Variants in ITSN1 observed in about 807,000 individuals in gnomAD.
ITSN1 encodes intersectin-1.
Under a neutral mutation model 239.8 loss-of-function variants are expected in ITSN1, and 58 were observed. That is an observed-to-expected ratio of 0.24 (90% CI 0.20 to 0.30). The LOEUF (loss-of-function observed/expected upper bound fraction) is 0.30. Among genes scored for constraint, ITSN1 ranks in the 10% least tolerant of loss-of-function variants. ITSN1 has a pLI of 1.00. For synonymous variants in ITSN1, 780 were observed against 770.8 expected, an observed-to-expected ratio of 1.01 and a Z score of -0.20; for missense variants, 1,558 against 2,103.3, an observed-to-expected ratio of 0.74 and a Z score of 5.07.
intron 22 of ITSN1, 142 bp downstream of exon 22, chr21:33,814,214 A>T: frequency 1.6e-5 from 8 of 495,036 alleles, no homozygotes; most frequent in East Asian, 5.1e-5. Context: ...AATCCAGTGC[A>T]GGAGCCAGAA....
intron 29 of ITSN1, among the ~76,000 whole-genome samples, chr21:33,838,837 C>T (rs2074725299): frequency 1.3e-5 from 2 of 152,178 alleles, no homozygotes; most frequent in African/African-American, 4.8e-5. Flanking sequence ...AGGGTACAAA[C>T]CATTTGTCCA....
intron 38 of ITSN1, 97 bp from the exon 39 acceptor site, chr21:33,886,190 C>G: frequency 1.9e-6 from 2 of 1,039,250 alleles, no homozygotes; most frequent in South Asian, 3.1e-5. Flanking sequence ...GCAGCCTGGG[C>G]GACAGAGCAA....
Position 33,856,626 on chromosome 21 carries a change from C to T in ITSN1, c.3662-110C>T. On this transcript the variant is annotated intron_variant, in intron 29 of 39. Transcript: ENST00000381318. ...GGACACATTTCAGCCCATGACCCCACTGGACTGGAGCAAGCCCTCAGGACC... is the reference window on the plus strand; with the variant it reads ...GGACACATTTCAGCCCATGACCCCATTGGACTGGAGCAAGCCCTCAGGACC... 4 of 1,511,448 alleles carry T rather than the reference C, an allele frequency of 2.6e-6. No individual in the cohort carries two copies. In the South Asian group the frequency reaches 4.9e-5, roughly 19 times the overall value. The allele number at this position is 1,511,448 out of a possible 1,614,324, so 93.6% of individuals were successfully genotyped here.
At chr21:33,810,440 C>A (rs1490348780) in intron 20 of ITSN1, among the ~76,000 whole-genome samples, 2 of 151,992 alleles carry the variant, frequency 1.3e-5, no homozygotes, top group Non-Finnish European at 2.9e-5. Flanking sequence ...TGCCTAAACA[C>A]AGCAGCAGTC....
chr21:33,647,855 C>T (rs8134847), intron 1 of ITSN1, among the ~76,000 whole-genome samples: 57,674 of 152,052 alleles, frequency 0.38, 11,170 homozygotes, highest in East Asian at 0.57. Flanking sequence ...TTTATTTTTC[C>T]TCCACGGTTA....
intron 7 of ITSN1, 29 bp downstream of exon 7, chr21:33,751,935 T>C: frequency 2.1e-6 from 3 of 1,451,588 alleles, no homozygotes; most frequent in South Asian, 2.3e-5. Context: ...AAATGGGAAG[T>C]TTGGTTAAGG....
intron 31 of ITSN1, among the ~76,000 whole-genome samples, chr21:33,859,888 C>T (rs1437690496): frequency 6.6e-6 from 1 of 152,160 alleles, no homozygotes; most frequent in Non-Finnish European, 1.5e-5. Context: ...CCCCTGCCAC[C>T]CGATGCCGTG....
chr21:33,668,561 G>A (rs139972871), intron 1 of ITSN1, among the ~76,000 whole-genome samples: 1 of 152,336 alleles, frequency 6.6e-6, no homozygotes, highest in African/African-American at 2.4e-5. Context: ...GGGGTAAAGT[G>A]GGATGCAGGG....
intron 1 of ITSN1, among the ~76,000 whole-genome samples, chr21:33,681,944 A>G (rs2090986931): frequency 6.6e-6 from 1 of 151,942 alleles, no homozygotes; most frequent in South Asian, 2.1e-4. Flanking sequence ...CTGGGATTAC[A>G]GGCATGAACC....
chr21:33,844,305 G>A (rs572326598), intron 29 of ITSN1, among the ~76,000 whole-genome samples: 3 of 152,330 alleles, frequency 2.0e-5, no homozygotes, highest in South Asian at 4.1e-4. Flanking sequence ...CACGGTCGAC[G>A]GTGGGGAGGC....
rs1569106347 is a variant in ITSN1 at position 33,755,416 on chromosome 21, TAG to T, written c.724+20_724+21del. ...TTAACAGGTATTTACAAATAAAAAT[TAG>T]TGAAATATGATCTTTGTTTTCAATG... On this transcript the variant is annotated intron_variant, in intron 8 of 39. Coordinates refer to ENST00000381318, the MANE Select transcript of ITSN1 (RefSeq NM_003024.3). The T allele has an allele frequency of 2.3e-6, 3 of 1,303,280 alleles. No individual in the cohort carries two copies. The highest frequency in any genetic ancestry group is 2.2e-6 in the Non-Finnish European group (2 of 912,858). 80.7% of individuals were successfully genotyped at this position (1,303,280 alleles called of 1,614,324 possible).
At chr21:33,758,432 T>G (rs1011419150) in intron 8 of ITSN1, among the ~76,000 whole-genome samples, 3 of 152,202 alleles carry the variant, frequency 2.0e-5, no homozygotes, top group Non-Finnish European at 4.4e-5. Context: ...TGGCACTGTT[T>G]ACCCCACTGA....
rs539451357 is a variant in ITSN1, at chr21:33,757,295, A to G, written c.724+1898A>G. ...GTTTTATGAATGAAATGCAGTATCT[A>G]CATTCCAAATATAATGACCCAGGCA... On this transcript the variant is annotated intron_variant, in intron 8 of 39. Coordinates refer to ENST00000381318, the MANE Select transcript of ITSN1 (RefSeq NM_003024.3). Among the ~76,000 whole-genome samples, 15 of 152,298 alleles carry G rather than the reference A, an allele frequency of 9.8e-5. No individual in the cohort carries two copies. The South Asian group carries it at 2.7e-3, about 27-fold the overall frequency.
Position 33,894,728 on chromosome 21 carries a change from C to G in ITSN1, c.*6428C>G, listed in dbSNP as rs1033162940. 1.3e-5 allele frequency: 2 copies of G among 152,210 alleles called. No homozygotes were observed. The highest frequency in any genetic ancestry group is 1.3e-4 in the Admixed American group (2 of 15,280). The allele number at this position is 152,210 out of a possible 1,614,324, so 9.4% of individuals were successfully genotyped here. ...TGCTTCTCTTCGCTTTTGCATTTCTCTTTTTTAACTCAAATCTCTTATTTC... is the reference window on the plus strand; with the variant it reads ...TGCTTCTCTTCGCTTTTGCATTTCTGTTTTTTAACTCAAATCTCTTATTTC... On this transcript the variant is annotated 3_prime_UTR_variant, in exon 40 of 40. Transcript: ENST00000381318.
chr21:33,857,700 G>T (rs150585674), intron 30 of ITSN1, among the ~76,000 whole-genome samples: 2 of 152,292 alleles, frequency 1.3e-5, no homozygotes, highest in East Asian at 3.9e-4. Flanking sequence ...AGGAAGCATT[G>T]ATGCAAACTC....
rs747035804 is a variant in ITSN1 at position 33,817,334 on chromosome 21, C to T, written c.2728-933C>T. 1.1e-5 allele frequency: 15 copies of T among 1,304,438 alleles called. 1 individual carries two copies. The highest frequency in any genetic ancestry group is 8.6e-5 in the South Asian group (7 of 81,022). 80.8% of individuals were successfully genotyped at this position (1,304,438 alleles called of 1,614,324 possible). A position where few individuals can be genotyped will look rare whatever the true frequency, so the allele number is the denominator to read the frequency against. On this transcript the variant is annotated intron_variant, in intron 22 of 39. Transcript: ENST00000381318. ...CAGTGTTCCACCTCGAGGCTTTTGC[C>T]CATGCTGCGCCCTCGGCCTGGAGTG... is the stretch of plus-strand genomic sequence containing the variant.
At chr21:33,838,727 C>G (rs1305626061) in intron 29 of ITSN1, among the ~76,000 whole-genome samples, 1 of 151,138 alleles carries the variant, frequency 6.6e-6, no homozygotes, top group Non-Finnish European at 1.5e-5. Context: ...CTTATAATAC[C>G]AGTTTCGAAA....
intron 27 of ITSN1, among the ~76,000 whole-genome samples, chr21:33,832,793 G>A (rs2148381370): frequency 6.6e-6 from 1 of 152,348 alleles, no homozygotes; most frequent in African/African-American, 2.4e-5. Context: ...TTCTGAAAAT[G>A]ACCTAGAGGT....
At chr21:33,776,968 ATCTG>A (rs2069684954) in intron 14 of ITSN1, among the ~76,000 whole-genome samples, 1 of 149,736 alleles carries the variant, frequency 6.7e-6, no homozygotes, top group South Asian at 2.1e-4. Context: ...TTTATGTTCT[ATCTG>A]AGAAATCTTT....
Sources: gnomAD v4.1 joint callset for allele counts (sites outside exome capture counted in the v4.1 genomes callset) on GRCh38, gnomAD v4.1.1 for gene constraint, MANE v1.5 for transcripts, NCBI Gene and HGNC (gene_info 2026-07-23, HGNC 2026-07-21) for gene names.